Variants in CNPY2 observed in about 807,000 individuals in gnomAD.
CNPY2 encodes the protein protein canopy homolog 2.
In CNPY2, 19 loss-of-function variants were observed where a neutral mutation model predicts 25.5. That is an observed-to-expected ratio of 0.74 (90% CI 0.52 to 1.09). The LOEUF (loss-of-function observed/expected upper bound fraction) is 1.09, where lower values mean the gene tolerates loss of function less well. CNPY2 is among the 50% of genes least tolerant of loss of function. The pLI, the probability that CNPY2 is intolerant of heterozygous loss-of-function variation, is 0.00. For missense variants in CNPY2, 214 were observed against 233.6 expected (o/e 0.92, Z 0.55); for synonymous variants, 82 against 85.0 (o/e 0.96, Z 0.19).
At chr12:56,314,362 G>T in intron 3 of CNPY2, 1 of 864,486 alleles carries the variant, frequency 1.2e-6, no homozygotes, top group Non-Finnish European at 1.4e-6. Context: ...TGTAGAGTTG[G>T]TGTTTTGCCA....
chr12:56,310,826 TA>T, intron 5 of CNPY2, 131 bp downstream of exon 5: 1 of 927,172 alleles, frequency 1.1e-6, no homozygotes, highest in Non-Finnish European at 1.7e-6. Context: ...CCCAAGTCCC[TA>T]AGCCAAGGGA....
chr12:56,313,572 G>A (rs1482187261), intron 3 of CNPY2, among the ~76,000 whole-genome samples: 2 of 151,434 alleles, frequency 1.3e-5, no homozygotes, highest in Non-Finnish European at 2.9e-5. Flanking sequence ...TAGGCTCTGT[G>A]AACAACAGCT....
chr12:56,313,052 T>A (rs1873768725), intron 3 of CNPY2, among the ~76,000 whole-genome samples: 1 of 152,216 alleles, frequency 6.6e-6, no homozygotes, highest in African/African-American at 2.4e-5. Context: ...TGCATAGGTA[T>A]ACATGTGCCA....
intron 3 of CNPY2, among the ~76,000 whole-genome samples, chr12:56,313,212 C>G (rs955906281): frequency 2.0e-5 from 3 of 151,992 alleles, no homozygotes. Flanking sequence ...TATTTTTGGC[C>G]GGGCGTGGTG....
intron 3 of CNPY2, chr12:56,312,006 G>C (rs1873730788): frequency 6.6e-6 from 1 of 151,918 alleles, no homozygotes; most frequent in Non-Finnish European, 1.5e-5. Flanking sequence ...CAGCCTCCCG[G>C]GTAGCTGGGA....
Position 56,314,884 on chromosome 12 carries a change from C to G in CNPY2, c.171G>C (p.Arg57=). Residue 57 remains arginine (R), a synonymous_variant, in exon 3 of 6, where the codon CGG becomes CGC. Coordinates refer to ENST00000273308, the MANE Select transcript of CNPY2 (RefSeq NM_014255.7). ...CTGACTGGCTGCCATCTGGATTGAT[C>G]CGGAAAGATCCCATCTGAATGGTCT... The part of the protein sequence containing the change: ...PKKTIQMGSF[R]INPDGSQSVV... 6.2e-7 allele frequency: 1 copy of G among 1,614,178 alleles called. No individual in the cohort carries two copies. Among genetic ancestry groups the G allele is most frequent in the Non-Finnish European group, 8.5e-7 (1 of 1,180,034 alleles).
intron 3 of CNPY2, among the ~76,000 whole-genome samples, chr12:56,313,865 C>G (rs191991256): frequency 6.7e-6 from 1 of 150,108 alleles, no homozygotes; most frequent in Non-Finnish European, 1.5e-5. Flanking sequence ...CTCAGCCTCC[C>G]AAAGTGCTGG....
upstream of CNPY2, chr12:56,316,113 A>C (rs1339461462): frequency 6.5e-6 from 1 of 152,680 alleles, no homozygotes; most frequent in Non-Finnish European, 1.5e-5. Context: ...GCAGCTTAGG[A>C]GAGGCTCCCG....
chr12:56,314,667 G>C, intron 3 of CNPY2, 184 bp downstream of exon 3: 4 of 1,450,666 alleles, frequency 2.8e-6, no homozygotes, highest in Non-Finnish European at 3.6e-6. Context: ...AAAGTATTAA[G>C]GTTTGCAGCC....
chr12:56,313,233 G>A (rs1339969985), intron 3 of CNPY2, among the ~76,000 whole-genome samples: 1 of 152,042 alleles, frequency 6.6e-6, no homozygotes, highest in Admixed American at 6.5e-5. Flanking sequence ...GCTCACGCCT[G>A]TAATCCCAGC....
intron 3 of CNPY2, among the ~76,000 whole-genome samples, chr12:56,313,644 C>T (rs1873787550): frequency 2.0e-5 from 3 of 147,634 alleles, no homozygotes; most frequent in Admixed American, 1.4e-4. Flanking sequence ...CTCGCTGTGT[C>T]GCCCAGGCTA....
At chr12:56,313,763 C>T (rs575322491) in intron 3 of CNPY2, among the ~76,000 whole-genome samples, 5 of 151,606 alleles carry the variant, frequency 3.3e-5, no homozygotes, top group African/African-American at 7.2e-5. Flanking sequence ...CCCACCACCA[C>T]GCCCGGCTAA....
intron 3 of CNPY2, chr12:56,311,971 C>T (rs185219915): frequency 8.4e-5 from 13 of 154,258 alleles, no homozygotes; most frequent in Admixed American, 2.0e-4. Flanking sequence ...GCTCCGCCTC[C>T]AGGGTTCACA....
Position 56,310,010 on chromosome 12 carries a change from G to T in CNPY2, c.*542C>A. The T allele has an allele frequency of 1.4e-6, 1 of 701,934 alleles. No individual in the cohort carries two copies. The highest frequency in any genetic ancestry group is 2.6e-6 in the Non-Finnish European group (1 of 384,682). 43.5% of individuals were successfully genotyped at this position (701,934 alleles called of 1,614,324 possible). A position where few individuals can be genotyped will look rare whatever the true frequency, so the allele number is the denominator to read the frequency against. ...CATCCATTTTCCCCTTCCTGTCTCT[G>T]TTCTTGCTGGTCCCTCCATCTGGAT... is the stretch of plus-strand genomic sequence containing the variant. On this transcript the variant is annotated 3_prime_UTR_variant, in exon 6 of 6. Transcript: ENST00000273308.
chr12:56,311,418 G>A lies in CNPY2; in HGVS notation c.205-4C>T. ...CCTCTGAGCGGGCATAAGGCACCTAGAAATGTCCTCAGCCTTGGGTCACTC... is the reference window on the plus strand; with the variant it reads ...CCTCTGAGCGGGCATAAGGCACCTAAAAATGTCCTCAGCCTTGGGTCACTC... On this transcript the variant is annotated splice_polypyrimidine_tract_variant and splice_region_variant and intron_variant, in intron 3 of 5. Coordinates refer to ENST00000273308, the MANE Select transcript of CNPY2 (RefSeq NM_014255.7). 1 of 1,614,112 alleles carries A rather than the reference G, an allele frequency of 6.2e-7. No individual in the cohort carries two copies. Among genetic ancestry groups the A allele is most frequent in the Non-Finnish European group, 8.5e-7 (1 of 1,179,964 alleles).
In CNPY2 at chr12:56,311,272, C is replaced by G. The variant is rs1181312860; in HGVS notation, c.347G>C (p.Ser116Thr). The change falls in exon 4 of 6, where the codon AGT (serine) becomes ACT (threonine). Residue 116 changes from serine (S) to threonine (T), a missense_variant. Physicochemically the swap from Ser to Thr is moderately conservative, Grantham distance 58. Coordinates refer to ENST00000273308, the MANE Select transcript of CNPY2 (RefSeq NM_014255.7). ...TCGGATGCCTTGTAGGTCCAGTTCA[C>G]TGGATTCTCCATTCCGGCCCACTAC... ...VRVVGRNGESSELDLQGIRID... is the reference protein window; with the variant it reads ...VRVVGRNGESTELDLQGIRID... 1 of 1,614,228 alleles carries G rather than the reference C, an allele frequency of 6.2e-7. No individual in the cohort carries two copies. Among genetic ancestry groups the G allele is most frequent in the Admixed American group, 1.7e-5 (1 of 60,022 alleles).
Position 56,314,113 on chromosome 12 carries a change from G to C in CNPY2, c.204+738C>G, listed in dbSNP as rs563835101. On this transcript the variant is annotated intron_variant, in intron 3 of 5. Transcript: ENST00000273308. ...AGACGGAGTTTCACCATGTTGGCCA[G>C]GCTGGTCTCGAACTTCTAACCTCAG... 6.6e-5 allele frequency among the ~76,000 whole-genome samples: 10 copies of C among 152,134 alleles called. No homozygotes were observed. The East Asian group carries it at 1.7e-3, about 26-fold the overall frequency.
intron 3 of CNPY2, 114 bp from the exon 4 acceptor site, chr12:56,311,528 C>G: frequency 9.4e-7 from 1 of 1,068,970 alleles, no homozygotes; most frequent in South Asian, 1.3e-5. Context: ...AAAGCTTTCC[C>G]TAATTGATTT....
Position 56,310,446 on chromosome 12 carries a change from T to C in CNPY2, c.*106A>G. ...AACACAGTTTGTACTTTTGGTTTCA[T>C]ATTTTTTCAGTTAATTTCAGTAAAA... On this transcript the variant is annotated 3_prime_UTR_variant, in exon 6 of 6. Transcript: ENST00000273308. The C allele has an allele frequency of 8.3e-7, 1 of 1,198,024 alleles. No individual in the cohort carries two copies. Among genetic ancestry groups the C allele is most frequent in the Non-Finnish European group, 1.2e-6 (1 of 816,672 alleles). The allele number at this position is 1,198,024 out of a possible 1,614,324, so 74.2% of individuals were successfully genotyped here.
Sources: gnomAD v4.1 joint callset for allele counts (sites outside exome capture counted in the v4.1 genomes callset) on GRCh38, gnomAD v4.1.1 for gene constraint, MANE v1.5 for transcripts, NCBI Gene and HGNC (gene_info 2026-07-23, HGNC 2026-07-21) for gene names.